Variants in IPO11 observed in about 807,000 individuals in gnomAD.
The protein encoded by IPO11 is importin-11.
Under a neutral mutation model 143.2 loss-of-function variants are expected in IPO11, and 66 were observed. The ratio of observed to expected loss-of-function variants is 0.46; its 90% CI spans 0.38 to 0.57. IPO11 has a LOEUF of 0.57. Ranked by LOEUF, IPO11 falls within the 20% of genes least tolerant of loss-of-function variation. The probability of loss-of-function intolerance (pLI) is 0.00; values close to 1 mark genes in which losing one functional copy is unlikely to be tolerated. For missense variants in IPO11, 1,026 were observed against 1,141.0 expected (o/e 0.90, Z 1.45); for synonymous variants, 385 against 377.8 (o/e 1.02, Z -0.22).
chr5:62,498,829 C>T (rs1251093714), intron 16 of IPO11, among the ~76,000 whole-genome samples: 1 of 152,182 alleles, frequency 6.6e-6, no homozygotes, highest in African/African-American at 2.4e-5. Context: ...GAGATCAAAC[C>T]ACCATACTCC....
At chr5:62,592,551 A>T (rs1393878695) in intron 28 of IPO11, among the ~76,000 whole-genome samples, 1 of 152,168 alleles carries the variant, frequency 6.6e-6, no homozygotes, top group Non-Finnish European at 1.5e-5. Flanking sequence ...TTTTAAGTTA[A>T]TGTAAGGGTT....
intron 16 of IPO11, among the ~76,000 whole-genome samples, chr5:62,500,379 A>G (rs1080157): frequency 2.2e-3 from 336 of 152,322 alleles, no homozygotes; most frequent in African/African-American, 7.6e-3. Context: ...TAATTGGTAG[A>G]GGAGTATATT....
intron 6 of IPO11, among the ~76,000 whole-genome samples, chr5:62,469,161 A>C (rs1387817382): frequency 6.6e-6 from 1 of 152,200 alleles, no homozygotes; most frequent in Non-Finnish European, 1.5e-5. Flanking sequence ...TGAAGGGAGA[A>C]GGAAAGGATC....
At chr5:62,462,923 G>C (rs1561320915) in intron 5 of IPO11, among the ~76,000 whole-genome samples, 1 of 151,104 alleles carries the variant, frequency 6.6e-6, no homozygotes, top group South Asian at 2.1e-4. Flanking sequence ...TAGTGGTAGT[G>C]GGGGGTATTG....
In IPO11 at chr5:62,435,188, A is replaced by ATGTGTATATATG. The variant is rs879563820; in HGVS notation, c.-6-2083_-6-2082insGTATATATGTGT. The stretch of plus-strand genomic sequence containing the variant: ...TATATATATGTATATATGTATATAT[A>ATGTGTATATATG]TGTATATATATGTATATATATGTGT... On this transcript the variant is annotated intron_variant, in intron 1 of 29. Coordinates refer to ENST00000325324, the MANE Select transcript of IPO11 (RefSeq NM_016338.5). 6.9e-5 allele frequency among the ~76,000 whole-genome samples: 8 copies of ATGTGTATATATG among 116,260 alleles called. 1 individual carries two copies. Among genetic ancestry groups the ATGTGTATATATG allele is most frequent in the African/African-American group, 1.4e-4 (4 of 29,150 alleles). The allele number at this position is 116,260 out of a possible 152,430, so 76.3% of individuals were successfully genotyped here.
At chr5:62,520,973 G>C (rs1054450170) in intron 20 of IPO11, among the ~76,000 whole-genome samples, 1 of 152,246 alleles carries the variant, frequency 6.6e-6, no homozygotes, top group Non-Finnish European at 1.5e-5. Flanking sequence ...CCCACCAACA[G>C]TGTGAAAGTG....
chr5:62,419,670 A>G (rs1743430868), intron 1 of IPO11, among the ~76,000 whole-genome samples: 1 of 151,426 alleles, frequency 6.6e-6, no homozygotes, highest in South Asian at 2.1e-4. Flanking sequence ...TTTTTTTTTT[A>G]ATAGGAGTAG....
At chr5:62,476,532 C>T in intron 8 of IPO11, 151 bp from the exon 9 acceptor site, 2 of 744,792 alleles carry the variant, frequency 2.7e-6, no homozygotes, top group African/African-American at 1.9e-5. Flanking sequence ...GTCTGTTACT[C>T]AGTGTAAATC....
intron 29 of IPO11, among the ~76,000 whole-genome samples, chr5:62,618,276 A>G (rs1238744162): frequency 1.3e-5 from 2 of 152,176 alleles, no homozygotes; most frequent in East Asian, 3.8e-4. Flanking sequence ...ATGACATACA[A>G]CATTGAGATT....
chr5:62,616,582 C>T (rs576128149), intron 29 of IPO11, among the ~76,000 whole-genome samples: 76 of 151,670 alleles, frequency 5.0e-4, no homozygotes, highest in Non-Finnish European at 8.8e-4. Context: ...CAGCTGGGCA[C>T]GGTGGCATGC....
chr5:62,440,824 G>A (rs1344105641), intron 2 of IPO11, among the ~76,000 whole-genome samples: 1 of 151,954 alleles, frequency 6.6e-6, no homozygotes, highest in Non-Finnish European at 1.5e-5. Context: ...TTAGCCGGGA[G>A]TGGTGGTGCA....
intron 5 of IPO11, among the ~76,000 whole-genome samples, chr5:62,453,389 TG>T (rs1745013339): frequency 1.3e-5 from 2 of 151,034 alleles, no homozygotes; most frequent in Admixed American, 6.6e-5. Context: ...TCCTATAATG[TG>T]GAAAGGAGTC....
At chr5:62,454,780 A>G (rs1745067556) in intron 5 of IPO11, among the ~76,000 whole-genome samples, 1 of 152,204 alleles carries the variant, frequency 6.6e-6, no homozygotes, top group African/African-American at 2.4e-5. Context: ...ATCCTACTGC[A>G]TGGTCTGAAA....
intron 3 of IPO11, among the ~76,000 whole-genome samples, chr5:62,445,768 A>G (rs1280867086): frequency 6.6e-6 from 1 of 152,178 alleles, no homozygotes; most frequent in Non-Finnish European, 1.5e-5. Context: ...TAGGTTAGAT[A>G]TATTAAATAA....
At chr5:62,534,727 A>C (rs1742676737) in intron 22 of IPO11, among the ~76,000 whole-genome samples, 1 of 152,096 alleles carries the variant, frequency 6.6e-6, no homozygotes, top group Non-Finnish European at 1.5e-5. Flanking sequence ...GGATGTTTAA[A>C]AGTATCCTCA....
intron 27 of IPO11, chr5:62,580,573 A>G (rs775000469): frequency 6.4e-7 from 1 of 1,551,360 alleles, no homozygotes; most frequent in East Asian, 2.4e-5. Context: ...ATCTTCAGCC[A>G]TTACTCTAAA....
At chr5:62,513,117 G>T (rs1234847419) in intron 19 of IPO11, among the ~76,000 whole-genome samples, 8 of 150,770 alleles carry the variant, frequency 5.3e-5, no homozygotes, top group South Asian at 2.1e-4. Context: ...CCCAGACGGG[G>T]TGGTGGCCGG....
At chr5:62,563,849 T>G (rs1743850740) in intron 27 of IPO11, among the ~76,000 whole-genome samples, 1 of 152,172 alleles carries the variant, frequency 6.6e-6, no homozygotes, top group Admixed American at 6.5e-5. Flanking sequence ...TTGGCATCTA[T>G]AAGAAAAATT....
At chr5:62,475,808 A>G (rs1745938421) in intron 8 of IPO11, among the ~76,000 whole-genome samples, 1 of 152,140 alleles carries the variant, frequency 6.6e-6, no homozygotes, top group African/African-American at 2.4e-5. Flanking sequence ...AGACTATAGC[A>G]TTTATATTTG....
Sources: allele counts gnomAD v4.1 joint callset (sites outside exome capture counted in the v4.1 genomes callset), GRCh38; gene constraint gnomAD v4.1.1; transcripts MANE v1.5; gene names NCBI Gene and HGNC (gene_info 2026-07-23, HGNC 2026-07-21).